ANO1: variants seen among roughly 807,000 people sequenced by gnomAD.
ANO1 encodes anoctamin 1, also known as anoctamin-1.
A neutral mutation model predicts 124.0 loss-of-function variants in ANO1; 59 were observed. That is an observed-to-expected ratio of 0.48 (90% CI 0.39 to 0.59). The LOEUF (loss-of-function observed/expected upper bound fraction) is 0.59. Among genes scored for constraint, ANO1 ranks in the 20% least tolerant of loss-of-function variants. ANO1 has a pLI of 0.00. For missense variants in ANO1, 1,059 were observed against 1,328.0 expected (o/e 0.80, Z 3.15); for synonymous variants, 529 against 532.0 (o/e 0.99, Z 0.08).
the ANO1 span, among the ~76,000 whole-genome samples, chr11:69,970,922 A>C: frequency 1.1e-4 from 16 of 152,204 alleles, no homozygotes; most frequent in Admixed American, 9.2e-4. Flanking sequence ...AGCAGGAAAC[A>C]GAAAGGGCAA....
chr11:70,177,987 C>T (rs1308400281), intron 22 of ANO1, among the ~76,000 whole-genome samples: 2 of 152,248 alleles, frequency 1.3e-5, no homozygotes, highest in Non-Finnish European at 2.9e-5. Context: ...GCCATGCTGC[C>T]TGGATGGGGC....
At position 70,048,599 on chromosome 11, in the gene ANO1, C is replaced by T. The variant is rs566864306; in HGVS notation, c.59-29943C>T. Among the ~76,000 whole-genome samples the T allele has an allele frequency of 1.3e-3, 198 of 152,020 alleles. 3 individuals are homozygous for T. The highest frequency in any genetic ancestry group is 4.5e-3 in the African/African-American group (186 of 41,460). ...CTCTCTCTCCCCCACCTCCCTCTCT[C>T]TTTTCTACTCTGTCTGTCTCTCTGT... On this transcript the variant is annotated intron_variant, in intron 1 of 27. Coordinates refer to the ANO1 transcript ENST00000531349.
chr11:69,970,979 A>G, the ANO1 span, among the ~76,000 whole-genome samples: 8 of 152,244 alleles, frequency 5.3e-5, no homozygotes, highest in Non-Finnish European at 7.3e-5. Context: ...GCCTGAACTT[A>G]GTCCATGGCC....
intron 1 of ANO1, among the ~76,000 whole-genome samples, chr11:70,049,903 T>G (rs1446253729): frequency 6.6e-6 from 1 of 152,198 alleles, no homozygotes; most frequent in Non-Finnish European, 1.5e-5. Flanking sequence ...GTATTTTTAG[T>G]AGAGACAGGG....
chr11:69,987,604 CAAAAAAAA>C (rs202001305), intron 1 of ANO1, among the ~76,000 whole-genome samples: 3 of 109,724 alleles, frequency 2.7e-5, no homozygotes, highest in African/African-American at 4.3e-5. Context: ...GACCATGTCT[CAAAAAAAA>C]AAAAAAAAAA....
chr11:70,114,253 G>A (rs938678653), intron 7 of ANO1, among the ~76,000 whole-genome samples: 8 of 152,242 alleles, frequency 5.3e-5, no homozygotes, highest in African/African-American at 1.7e-4. Context: ...AGTGGAGCTC[G>A]GAAGCCCTAG....
At chr11:70,085,526 CCAGG>C (rs2044338437) in intron 1 of ANO1, 1 of 1,535,970 alleles carries the variant, frequency 6.5e-7, no homozygotes, top group African/African-American at 1.4e-5. Flanking sequence ...CAGATGCTGA[CCAGG>C]CCCTCCCAGG....
chr11:70,100,204 G>T (rs1194237652), intron 2 of ANO1, among the ~76,000 whole-genome samples: 1 of 152,186 alleles, frequency 6.6e-6, no homozygotes, highest in Admixed American at 6.5e-5. Context: ...ACAAAGCCCT[G>T]CAGGACCGCA....
intron 1 of ANO1, among the ~76,000 whole-genome samples, chr11:70,053,815 G>A (rs1344381473): frequency 6.6e-6 from 1 of 152,130 alleles, no homozygotes; most frequent in Non-Finnish European, 1.5e-5. Flanking sequence ...TGTGCCTAGA[G>A]TTCTCTTTGC....
chr11:70,185,957 G>A (rs911566621), intron 25 of ANO1, among the ~76,000 whole-genome samples: 5 of 152,140 alleles, frequency 3.3e-5, no homozygotes, highest in Non-Finnish European at 7.4e-5. Flanking sequence ...GTTCTGACTC[G>A]CTGGTGGGTT....
chr11:70,131,543 G>T (rs190013904), intron 10 of ANO1, among the ~76,000 whole-genome samples: 1 of 152,302 alleles, frequency 6.6e-6, no homozygotes, highest in African/African-American at 2.4e-5. Context: ...GGCCAGGCTG[G>T]TCTTGAACCC....
rs766802879 is a variant in ANO1 at position 70,161,133 on chromosome 11, A to G, written c.1579-28A>G. 4.4e-6 allele frequency: 7 copies of G among 1,599,732 alleles called. No homozygotes were observed. In the African/African-American group the frequency reaches 6.7e-5, roughly 15 times the overall value. ...CAGGAAGGTCCTGGGTGGGCCCCCA[A>G]CCAAGAGTGCCCCTTTCCCCCCTGC... is the stretch of plus-strand genomic sequence containing the variant. On this transcript the variant is annotated intron_variant, in intron 16 of 25. Coordinates refer to ENST00000355303, the MANE Select transcript of ANO1 (RefSeq NM_018043.7).
intron 1 of ANO1, among the ~76,000 whole-genome samples, chr11:70,021,820 C>T (rs980834200): frequency 1.3e-5 from 2 of 152,194 alleles, no homozygotes; most frequent in Admixed American, 6.5e-5. Flanking sequence ...GGAGCCCCTT[C>T]ACATCCCACT....
rs1249033851 is a variant in ANO1, at chr11:70,060,057, T to C, written c.59-18485T>C. ...TCCTTTATAATGAATGACTCCAGCC[T>C]TGGCGGCAGGAGAGCAGTCTTAAGG... On this transcript the variant is annotated intron_variant, in intron 1 of 27. Transcript: ENST00000531349. Among the ~76,000 whole-genome samples, 3 of 149,810 alleles carry C rather than the reference T, an allele frequency of 2.0e-5. No homozygotes were observed. The Admixed American group carries it at 2.0e-4, about 10-fold the overall frequency.
chr11:70,106,426 C>T (rs1253588017), intron 5 of ANO1, among the ~76,000 whole-genome samples: 2 of 152,206 alleles, frequency 1.3e-5, no homozygotes, highest in Non-Finnish European at 2.9e-5. Flanking sequence ...CCCAGAAAGC[C>T]CAGCCTGGCC....
rs1168600535 is a variant in ANO1 at position 70,167,357 on chromosome 11, G to C, written c.2167G>C (p.Ala723Pro). The change falls in exon 21 of 26, where the codon GCG (alanine) becomes CCG (proline). Residue 723 changes from alanine to proline, a missense_variant. Physicochemically the swap from Ala to Pro is conservative, Grantham distance 27. This residue lies in a region of ANO1 where 809 missense variants were observed against 1,094.9 expected (regional missense o/e 0.74). Coordinates refer to ENST00000355303, the MANE Select transcript of ANO1 (RefSeq NM_018043.7). The part of the protein sequence containing the change: ...YEVDYNLEPF[A>P]GLTPEYMEMI... ...GGTGGATTACAACCTGGAGCCCTTC[G>C]CGGGCCTCACCCCAGAGTACATGGA... 1 of 1,613,128 alleles carries C rather than the reference G, an allele frequency of 6.2e-7. No individual in the cohort carries two copies. The highest frequency in any genetic ancestry group is 1.3e-5 in the African/African-American group (1 of 75,014).
At chr11:70,068,099 G>A (rs782243248) in intron 1 of ANO1, among the ~76,000 whole-genome samples, 6 of 152,308 alleles carry the variant, frequency 3.9e-5, no homozygotes, top group African/African-American at 1.4e-4. Context: ...TGGAGAAGGC[G>A]GGGCTCTCAA....
Position 69,991,226 on chromosome 11 carries a change from G to A in ANO1, c.58+5060G>A, listed in dbSNP as rs138383442. On this transcript the variant is annotated intron_variant, in intron 1 of 27. Transcript: ENST00000531349. The stretch of plus-strand genomic sequence containing the variant: ...AATTTGTTGAAAAGACTGTTCTGTA[G>A]GGGTTTGCTTTTGAGCATGTTAATA... Among the ~76,000 whole-genome samples the A allele has an allele frequency of 3.5e-4, 54 of 152,298 alleles. No homozygotes were observed. In the East Asian group the frequency reaches 7.1e-3, roughly 20 times the overall value.
intron 2 of ANO1, among the ~76,000 whole-genome samples, chr11:70,092,252 C>T (rs1185661689): frequency 6.7e-6 from 1 of 148,848 alleles, no homozygotes; most frequent in Non-Finnish European, 1.5e-5. Flanking sequence ...TTTATCTTAA[C>T]TCGGTTACAT....
Sources: allele counts gnomAD v4.1 joint callset (sites outside exome capture counted in the v4.1 genomes callset), GRCh38; gene constraint gnomAD v4.1.1; regional missense constraint gnomAD v4.1.1; transcripts MANE v1.5; gene names NCBI Gene and HGNC (gene_info 2026-07-23, HGNC 2026-07-21).